GRM4: variants seen among roughly 807,000 people sequenced by gnomAD.
The protein encoded by GRM4 is metabotropic glutamate receptor 4.
In GRM4, 28 loss-of-function variants were observed where a neutral mutation model predicts 81.7. The observed-to-expected ratio is 0.34, with a 90% confidence interval of 0.25 to 0.47. GRM4 has a LOEUF of 0.47. Ranked by LOEUF, GRM4 falls within the 20% of genes least tolerant of loss-of-function variation. The pLI is 1.00. For missense variants in GRM4, 948 were observed against 1,290.0 expected (o/e 0.73, Z 4.06); for synonymous variants, 488 against 528.8 (o/e 0.92, Z 1.06).
intron 5 of GRM4, 51 bp from the exon 6 acceptor site, chr6:34,056,735 C>A (rs1030655542): frequency 3.2e-6 from 5 of 1,571,822 alleles, no homozygotes; most frequent in Non-Finnish European, 4.3e-6. Context: ...TCCCCACCAG[C>A]CCCAGCCCTC....
intron 2 of GRM4, among the ~76,000 whole-genome samples, chr6:34,095,433 C>T (rs1561809378): frequency 6.6e-6 from 1 of 151,706 alleles, no homozygotes; most frequent in Non-Finnish European, 1.5e-5. Context: ...CCACCTCTCA[C>T]CAGCTGAAAA....
At chr6:34,044,505 T>A (rs1288249897) in intron 6 of GRM4, among the ~76,000 whole-genome samples, 2 of 101,144 alleles carry the variant, frequency 2.0e-5, no homozygotes, top group African/African-American at 7.4e-5. Flanking sequence ...CATACACACA[T>A]ACACACACAG....
At chr6:34,154,945 C>G (rs188351457) in intron 1 of GRM4, 12 of 667,696 alleles carry the variant, frequency 1.8e-5, no homozygotes, top group Middle Eastern at 8.4e-4. Flanking sequence ...GGCCGAACGC[C>G]CTCATTGCAC....
intron 6 of GRM4, among the ~76,000 whole-genome samples, chr6:34,046,803 A>G (rs1035042498): frequency 3.3e-5 from 5 of 152,176 alleles, no homozygotes; most frequent in African/African-American, 1.2e-4. Context: ...CTGCATTTAC[A>G]CAGCCTGTCT....
chr6:34,146,577 C>G (rs1770938216), upstream of GRM4, among the ~76,000 whole-genome samples: 1 of 152,212 alleles, frequency 6.6e-6, no homozygotes, highest in African/African-American at 2.4e-5. Flanking sequence ...GCATCTCACC[C>G]CAGACTGCAG....
intron 2 of GRM4, among the ~76,000 whole-genome samples, chr6:34,100,556 C>T (rs1768779814): frequency 6.6e-6 from 1 of 152,250 alleles, no homozygotes; most frequent in Non-Finnish European, 1.5e-5. Flanking sequence ...TCAGGCCATT[C>T]ATTAATTCAC....
At chr6:34,144,130 C>T (rs1364075451) in intron 1 of GRM4, among the ~76,000 whole-genome samples, 2 of 152,234 alleles carry the variant, frequency 1.3e-5, no homozygotes, top group African/African-American at 4.8e-5. Context: ...GGATGTCACT[C>T]AAGGCCTAGG....
intron 2 of GRM4, among the ~76,000 whole-genome samples, chr6:34,123,651 C>A (rs991703835): frequency 6.6e-6 from 1 of 152,226 alleles, no homozygotes; most frequent in African/African-American, 2.4e-5. Context: ...ACTGCCCTGG[C>A]CCTTGCTGTG....
intron 5 of GRM4, among the ~76,000 whole-genome samples, chr6:34,057,363 G>A (rs1765954178): frequency 6.6e-6 from 1 of 152,212 alleles, no homozygotes; most frequent in Non-Finnish European, 1.5e-5. Context: ...AGCTCAGCGG[G>A]GCCACGTGGA....
Position 34,080,977 on chromosome 6 carries a change from T to A in GRM4, c.736+10906A>T, listed in dbSNP as rs1358715939. ...AGATTACCCTGCCCCCATCCCTACCTCTTTCCTCCCTAGCCCTAGAACTGC... is the reference window on the plus strand; with the variant it reads ...AGATTACCCTGCCCCCATCCCTACCACTTTCCTCCCTAGCCCTAGAACTGC... On this transcript the variant is annotated intron_variant, in intron 3 of 10. Transcript: ENST00000538487. The surrounding 1 kb of genome is among the most constrained non-coding windows in gnomAD (Gnocchi z 5.4). Among the ~76,000 whole-genome samples, 2 of 152,068 alleles carry A rather than the reference T, an allele frequency of 1.3e-5. No homozygotes were observed. The highest frequency in any genetic ancestry group is 2.9e-5 in the Non-Finnish European group (2 of 67,996).
intron 2 of GRM4, among the ~76,000 whole-genome samples, chr6:34,131,432 A>T (rs1180802120): frequency 1.3e-5 from 2 of 152,138 alleles, no homozygotes; most frequent in Non-Finnish European, 2.9e-5. Context: ...TAAAACCAAC[A>T]CTCCAGGAAA....
intron 1 of GRM4, among the ~76,000 whole-genome samples, chr6:34,137,942 A>G (rs1770527754): frequency 1.3e-5 from 2 of 151,830 alleles, no homozygotes; most frequent in Non-Finnish European, 2.9e-5. Context: ...TGCTTTTCCA[A>G]CTTCAATCCT....
In GRM4 at chr6:34,104,237, C is replaced by A. The variant is rs537612302; in HGVS notation, c.520-12138G>T. Among the ~76,000 whole-genome samples the A allele has an allele frequency of 2.3e-3, 348 of 152,286 alleles. 1 individual carries two copies. The highest frequency in any genetic ancestry group is 0.02 in the Middle Eastern group (6 of 294). ...AGGGAGGCTGCGGGACCCAAAGGGG[C>A]GAGGCTGAGGGTGGAGCAGGGTGGG... On this transcript the variant is annotated intron_variant, in intron 2 of 10. Coordinates refer to ENST00000538487, the MANE Select transcript of GRM4 (RefSeq NM_000841.4).
chr6:34,088,463 G>A (rs1768029262), intron 3 of GRM4, among the ~76,000 whole-genome samples: 1 of 152,146 alleles, frequency 6.6e-6, no homozygotes, highest in Admixed American at 6.5e-5. Context: ...CCATTTCACA[G>A]ATAAGAAACT....
chr6:34,110,935 C>T, intron 2 of GRM4: 3 of 1,015,558 alleles, frequency 3.0e-6, no homozygotes, highest in Non-Finnish European at 2.5e-6. Context: ...AAGGAACAGC[C>T]TCTCTCCAGG....
exon 1 of GRM4, chr6:34,155,232 G>A: frequency 6.5e-7 from 1 of 1,535,464 alleles, no homozygotes; most frequent in Non-Finnish European, 8.7e-7. Flanking sequence ...ACACACACCG[G>A]CAAAATCCAA....
At chr6:34,075,250 T>G (rs1767254676) in intron 3 of GRM4, among the ~76,000 whole-genome samples, 1 of 152,106 alleles carries the variant, frequency 6.6e-6, no homozygotes, top group African/African-American at 2.4e-5. Context: ...GCCCCCAAGT[T>G]TCTTCCCACC....
At chr6:34,032,843 G>A (rs1764505057) in intron 9 of GRM4, among the ~76,000 whole-genome samples, 1 of 152,180 alleles carries the variant, frequency 6.6e-6, no homozygotes, top group South Asian at 2.1e-4. Flanking sequence ...ACCCCACTGG[G>A]GAGTGGGCTG....
chr6:34,048,833 G>A lies in GRM4; in HGVS notation c.1168+7711C>T, dbSNP rs1003000503. Among the ~76,000 whole-genome samples, 4 of 151,844 alleles carry A rather than the reference G, an allele frequency of 2.6e-5. No homozygotes were observed. The highest frequency in any genetic ancestry group is 5.9e-5 in the Non-Finnish European group (4 of 67,984). On this transcript the variant is annotated intron_variant, in intron 6 of 10. Transcript: ENST00000538487. The surrounding 1 kb of genome is among the most constrained non-coding windows in gnomAD (Gnocchi z 4.0). ...GGTAAGCCGTGCTTGCTTCCTCTTC[G>A]CCTTCCACCATGATTGTAAGTTTCC... is the stretch of plus-strand genomic sequence containing the variant.
Sources: gnomAD v4.1 joint callset for allele counts (sites outside exome capture counted in the v4.1 genomes callset) on GRCh38, gnomAD v4.1.1 for gene constraint, Gnocchi (gnomAD v3.1) non-coding constraint, MANE v1.5 for transcripts, NCBI Gene and HGNC (gene_info 2026-07-23, HGNC 2026-07-21) for gene names.